MRC2: variants seen among roughly 807,000 people sequenced by gnomAD.
MRC2 encodes mannose receptor C-type 2.
MRC2 carries 84 observed loss-of-function variants against 206.2 expected under a neutral mutation model. The ratio of observed to expected loss-of-function variants is 0.41; its 90% CI spans 0.34 to 0.49. The LOEUF (loss-of-function observed/expected upper bound fraction) is 0.49. MRC2 is among the 20% of genes least tolerant of loss of function. The pLI is 0.31. For missense variants in MRC2, 1,676 were observed against 2,001.5 expected (o/e 0.84, Z 3.10); for synonymous variants, 798 against 800.0 (o/e 1.00, Z 0.04).
At chr17:62,639,948 G>T (rs905328677) in intron 1 of MRC2, among the ~76,000 whole-genome samples, 2 of 151,688 alleles carry the variant, frequency 1.3e-5, no homozygotes, top group Non-Finnish European at 2.9e-5. Context: ...CTGCCTCCTG[G>T]GTTGAAGCAA....
rs141421890 is a variant in MRC2 at position 62,641,430 on chromosome 17, A to G, written c.118+13510A>G. ...TGACAGTGGGGAGAACGACTCCCAG[A>G]CAAACTAGCCTGGCTGAATAGGAAG... On this transcript the variant is annotated intron_variant, in intron 1 of 29. Coordinates refer to ENST00000303375, the MANE Select transcript of MRC2 (RefSeq NM_006039.5). Among the ~76,000 whole-genome samples, 12 of 152,266 alleles carry G rather than the reference A, an allele frequency of 7.9e-5. No individual in the cohort carries two copies. The East Asian group carries it at 2.3e-3, about 29-fold the overall frequency.
chr17:62,655,149 G>A (rs1413549341), intron 1 of MRC2, among the ~76,000 whole-genome samples: 1 of 151,964 alleles, frequency 6.6e-6, no homozygotes, highest in Non-Finnish European at 1.5e-5. Context: ...AGCCGGGCGT[G>A]GTGGCGGGCG....
chr17:62,688,810 A>G, intron 22 of MRC2, 42 bp from the exon 23 acceptor site: 1 of 1,584,180 alleles, frequency 6.3e-7, no homozygotes, highest in Non-Finnish European at 8.6e-7. Flanking sequence ...TAGCACAGGG[A>G]GGCAGCTGCT....
At chr17:62,629,021 T>G (rs1462059535) in intron 1 of MRC2, among the ~76,000 whole-genome samples, 1 of 152,120 alleles carries the variant, frequency 6.6e-6, no homozygotes, top group Non-Finnish European at 1.5e-5. Flanking sequence ...AAGACACATA[T>G]CTGCCAGATG....
intron 28 of MRC2, among the ~76,000 whole-genome samples, chr17:62,691,366 G>A (rs150261583): frequency 6.6e-6 from 1 of 152,230 alleles, no homozygotes; most frequent in Non-Finnish European, 1.5e-5. Context: ...CTGTCACTTT[G>A]TAGTGGTCAA....
intron 1 of MRC2, among the ~76,000 whole-genome samples, chr17:62,629,477 G>GAATA (rs922514158): frequency 1.3e-5 from 2 of 152,224 alleles, no homozygotes; most frequent in African/African-American, 2.4e-5. Context: ...GTCCAGGGAT[G>GAATA]AATAGCCTCA....
Position 62,690,689 on chromosome 17 carries a change from G to A in MRC2, c.3940G>A (p.Val1314Ile). The A allele has an allele frequency of 6.2e-7, 1 of 1,613,308 alleles. No individual in the cohort carries two copies. Among genetic ancestry groups the A allele is most frequent in the East Asian group, 2.2e-5 (1 of 44,870 alleles). Residue 1314 changes from valine (V) to isoleucine (I), a missense_variant, in exon 27 of 30, where the codon GTC becomes ATC. By Grantham distance (29) the Val-to-Ile change is conservative. Around this residue, in one of 3 missense-constraint regions of MRC2, gnomAD observed 1,354 missense variants for 1,636.6 expected, o/e 0.83. Coordinates refer to ENST00000303375, the MANE Select transcript of MRC2 (RefSeq NM_006039.5). ...SILDEMENVF[V>I]WEHLQSYEGQ... ...CCTGGATGAGATGGAGAATGTGTTT[G>A]TCTGGGAGCACCTGCAGAGCTATGA... is the stretch of plus-strand genomic sequence containing the variant.
rs1173281170 is a variant in MRC2 at position 62,672,069 on chromosome 17, CTTGTGAGCT to C, written c.1380_1388del (p.Val461_Phe463del). On this transcript the variant is annotated inframe_deletion, in exon 8 of 30. Coordinates refer to ENST00000303375, the MANE Select transcript of MRC2 (RefSeq NM_006039.5). The surrounding 1 kb of genome is among the most constrained non-coding windows in gnomAD (Gnocchi z 4.5). ...GAATTTTGAGTGGTCTGACGGGAGC[CTTGTGAGCT>C]TCACCCACTGGCACCCCTTTGAGCC... is the stretch of plus-strand genomic sequence containing the variant. 6.2e-7 allele frequency: 1 copy of C among 1,614,146 alleles called. No individual in the cohort carries two copies. The highest frequency in any genetic ancestry group is 1.1e-5 in the South Asian group (1 of 91,082).
At chr17:62,645,669 G>A (rs2088475549) in intron 1 of MRC2, among the ~76,000 whole-genome samples, 1 of 149,580 alleles carries the variant, frequency 6.7e-6, no homozygotes, top group Non-Finnish European at 1.5e-5. Flanking sequence ...GAGTAAGCAG[G>A]ACCACAGGTG....
chr17:62,668,403 A>G (rs943724942), intron 6 of MRC2, among the ~76,000 whole-genome samples: 1 of 151,736 alleles, frequency 6.6e-6, no homozygotes, highest in Non-Finnish European at 1.5e-5. Flanking sequence ...AAAAAAAAGA[A>G]AAAAGAAAGA....
chr17:62,657,524 T>G (rs546012834), intron 1 of MRC2, among the ~76,000 whole-genome samples: 24 of 152,290 alleles, frequency 1.6e-4, no homozygotes, highest in African/African-American at 4.3e-4. Flanking sequence ...GTGGTCTTTG[T>G]CCTTGGGGAG....
chr17:62,678,241 G>C (rs551654442), intron 12 of MRC2, among the ~76,000 whole-genome samples: 7 of 152,184 alleles, frequency 4.6e-5, no homozygotes, highest in African/African-American at 1.7e-4. Flanking sequence ...ACTTACCCAC[G>C]TTAAGCTGTG....
intron 1 of MRC2, among the ~76,000 whole-genome samples, chr17:62,644,588 G>A (rs1285019825): frequency 6.6e-6 from 1 of 152,112 alleles, no homozygotes; most frequent in Non-Finnish European, 1.5e-5. Context: ...CCATGGAGTG[G>A]CAGCGGGCAT....
intron 1 of MRC2, among the ~76,000 whole-genome samples, chr17:62,663,129 G>C (rs537936503): frequency 6.6e-6 from 1 of 152,078 alleles, no homozygotes; most frequent in Non-Finnish European, 1.5e-5. Flanking sequence ...CTTACTGGGC[G>C]TGGGACACTG....
At chr17:62,631,256 G>C (rs971458442) in intron 1 of MRC2, among the ~76,000 whole-genome samples, 1 of 152,132 alleles carries the variant, frequency 6.6e-6, no homozygotes, top group African/African-American at 2.4e-5. Flanking sequence ...GGCACCCACG[G>C]CTGCGCTGTG....
chr17:62,659,933 T>G (rs181962628), intron 1 of MRC2, among the ~76,000 whole-genome samples: 1 of 152,318 alleles, frequency 6.6e-6, no homozygotes. Flanking sequence ...GTTCCTTCAG[T>G]ATTTAAGCAT....
rs910941917 is a variant in MRC2, at chr17:62,682,165, A to G, written c.2804-70A>G. On this transcript the variant is annotated intron_variant, in intron 19 of 29. Coordinates refer to ENST00000303375, the MANE Select transcript of MRC2 (RefSeq NM_006039.5). ...AGACTCCTCTCAGGGCATGAGGCTGAGTGTGCTGCCAGCCATGCCCTGCCC... is the reference window on the plus strand; with the variant it reads ...AGACTCCTCTCAGGGCATGAGGCTGGGTGTGCTGCCAGCCATGCCCTGCCC... 2.1e-6 allele frequency: 3 copies of G among 1,434,206 alleles called. No homozygotes were observed. In the African/African-American group the frequency reaches 4.3e-5, roughly 21 times the overall value. 88.8% of individuals were successfully genotyped at this position (1,434,206 alleles called of 1,614,324 possible).
intron 1 of MRC2, among the ~76,000 whole-genome samples, chr17:62,644,441 G>T (rs1050022885): frequency 6.6e-6 from 1 of 152,120 alleles, no homozygotes; most frequent in Admixed American, 6.6e-5. Flanking sequence ...AACATGTCTG[G>T]AGGCGGGATG....
At chr17:62,661,562 C>CTCCT (rs1453811323) in intron 1 of MRC2, 2 of 125,558 alleles carry the variant, frequency 1.6e-5, no homozygotes, top group Non-Finnish European at 3.3e-5. Context: ...TTCTTTCTTT[C>CTCCT]TCCTTCCTTC....
Sources: gnomAD v4.1 joint callset for allele counts (sites outside exome capture counted in the v4.1 genomes callset) on GRCh38, gnomAD v4.1.1 for gene constraint, gnomAD v4.1.1 regional missense constraint, Gnocchi (gnomAD v3.1) non-coding constraint, MANE v1.5 for transcripts, NCBI Gene and HGNC (gene_info 2026-07-23, HGNC 2026-07-21) for gene names.